DOK5: variants seen among roughly 807,000 people sequenced by gnomAD.
The protein encoded by DOK5 is docking protein 5.
DOK5 carries 27 observed loss-of-function variants against 43.3 expected under a neutral mutation model. The ratio of observed to expected loss-of-function variants is 0.62; its 90% CI spans 0.46 to 0.86. DOK5 has a LOEUF of 0.86. Among genes scored for constraint, DOK5 ranks in the 40% least tolerant of loss-of-function variants. DOK5 has a pLI of 0.00. For synonymous variants in DOK5, 146 were observed against 140.1 expected, an observed-to-expected ratio of 1.04 and a Z score of -0.30; for missense variants, 373 against 392.9, an observed-to-expected ratio of 0.95 and a Z score of 0.43.
intron 5 of DOK5, among the ~76,000 whole-genome samples, chr20:54,605,739 T>C (rs1986450633): frequency 1.3e-5 from 2 of 152,216 alleles, no homozygotes; most frequent in South Asian, 4.1e-4. Context: ...TTATTGAACA[T>C]GAAATGTAAA....
At chr20:54,616,784 C>CTTTTTTTTTTTTTTTTTTT (rs550110589) in intron 6 of DOK5, among the ~76,000 whole-genome samples, 11 of 105,750 alleles carry the variant, frequency 1.0e-4, no homozygotes, top group South Asian at 6.3e-4. Flanking sequence ...TTTTTTTTTT[C>CTTTTTTTTTTTTTTTTTTT]TTTTTTTTTT....
chr20:54,475,690 C>T lies in DOK5; in HGVS notation c.-257C>T. ...AGGCCGGCCGCGGAGTCAGCTGACG[C>T]CGGCGCTCCAGCCTCGCCTCCCCGC... On this transcript the variant is annotated 5_prime_UTR_variant, in exon 1 of 8. Transcript: ENST00000262593. The surrounding 1 kb of genome is among the most constrained non-coding windows in gnomAD (Gnocchi z 4.2). 3.1e-5 allele frequency: 17 copies of T among 546,700 alleles called. 1 individual carries two copies. The South Asian group carries it at 3.6e-4, about 12-fold the overall frequency. The allele number at this position is 546,700 out of a possible 1,614,324, so 33.9% of individuals were successfully genotyped here. A position where few individuals can be genotyped will look rare whatever the true frequency, so the allele number is the denominator to read the frequency against.
chr20:54,621,711 A>C (rs1986982122), intron 6 of DOK5, among the ~76,000 whole-genome samples: 1 of 152,138 alleles, frequency 6.6e-6, no homozygotes, highest in African/African-American at 2.4e-5. Flanking sequence ...ATCACGATTA[A>C]AGATGATAAC....
chr20:54,527,077 G>A (rs561558947), intron 1 of DOK5, among the ~76,000 whole-genome samples: 58 of 152,248 alleles, frequency 3.8e-4, no homozygotes, highest in African/African-American at 1.4e-3. Flanking sequence ...AACAATTCAC[G>A]AAAGTTATTT....
At chr20:54,624,995 A>T (rs1467649999) in intron 6 of DOK5, among the ~76,000 whole-genome samples, 1 of 150,796 alleles carries the variant, frequency 6.6e-6, no homozygotes, top group Non-Finnish European at 1.5e-5. Context: ...TTTCTTTCTT[A>T]CCCACATTTT....
chr20:54,597,153 CA>C (rs1228627654), intron 5 of DOK5, among the ~76,000 whole-genome samples: 1 of 152,092 alleles, frequency 6.6e-6, no homozygotes, highest in Non-Finnish European at 1.5e-5. Flanking sequence ...AATAATTGCT[CA>C]AAACAAATAA....
chr20:54,522,316 G>A (rs1212585887), intron 1 of DOK5, among the ~76,000 whole-genome samples: 1 of 152,162 alleles, frequency 6.6e-6, no homozygotes, highest in African/African-American at 2.4e-5. Flanking sequence ...ACCATGGGTC[G>A]CAGGTTAGAC....
intron 6 of DOK5, among the ~76,000 whole-genome samples, chr20:54,616,324 A>T (rs181628426): frequency 1.3e-5 from 2 of 152,198 alleles, no homozygotes; most frequent in Non-Finnish European, 2.9e-5. Context: ...ATCCTACATG[A>T]GATTAACTCA....
chr20:54,613,103 T>C (rs748027226), intron 6 of DOK5, among the ~76,000 whole-genome samples: 208 of 152,180 alleles, frequency 1.4e-3, no homozygotes, highest in Non-Finnish European at 2.3e-3. Context: ...AGCAGACTGG[T>C]TGGTCCAGAT....
chr20:54,510,781 C>T (rs1024106073), intron 1 of DOK5, among the ~76,000 whole-genome samples: 5 of 152,112 alleles, frequency 3.3e-5, no homozygotes, highest in South Asian at 2.1e-4. Context: ...TCTCCCTGCT[C>T]GGCTATTGGG....
Position 54,525,259 on chromosome 20 carries a change from G to A in DOK5, c.67-29674G>A, listed in dbSNP as rs527907667. 9.9e-5 allele frequency among the ~76,000 whole-genome samples: 15 copies of A among 152,214 alleles called. No homozygotes were observed. In the South Asian group the frequency reaches 1.2e-3, roughly 13 times the overall value. On this transcript the variant is annotated intron_variant, in intron 1 of 7. Coordinates refer to ENST00000262593, the MANE Select transcript of DOK5 (RefSeq NM_018431.5). The stretch of plus-strand genomic sequence containing the variant: ...TAAATTACCCACCTGATTAACTAGC[G>A]GGTACAGAGGAATATTACAATATTA...
rs190489363 is a variant in DOK5 at position 54,496,107 on chromosome 20, G to T, written c.66+20095G>T. 4.0e-3 allele frequency among the ~76,000 whole-genome samples: 607 copies of T among 152,304 alleles called. 2 individuals are homozygous for T. Among genetic ancestry groups the T allele is most frequent in the African/African-American group, 0.014 (577 of 41,566 alleles). On this transcript the variant is annotated intron_variant, in intron 1 of 7. Transcript: ENST00000262593. ...TGAAGCTTAGTTTTCAGACACAGATGAAGTTGAATATTATAAAGATGAAGA... is the reference window on the plus strand; with the variant it reads ...TGAAGCTTAGTTTTCAGACACAGATTAAGTTGAATATTATAAAGATGAAGA...
chr20:54,584,905 T>C (rs1488158379), intron 2 of DOK5, among the ~76,000 whole-genome samples: 1 of 152,118 alleles, frequency 6.6e-6, no homozygotes, highest in East Asian at 1.9e-4. Flanking sequence ...GGCAGATTTC[T>C]TTGTAAGAGG....
chr20:54,484,549 C>G (rs1263321581), intron 1 of DOK5, among the ~76,000 whole-genome samples: 1 of 152,178 alleles, frequency 6.6e-6, no homozygotes, highest in Non-Finnish European at 1.5e-5. Flanking sequence ...GACAATATAA[C>G]AACCAATATA....
At chr20:54,632,848 G>A (rs972244709) in intron 6 of DOK5, among the ~76,000 whole-genome samples, 8 of 149,932 alleles carry the variant, frequency 5.3e-5, no homozygotes, top group Admixed American at 2.6e-4. Flanking sequence ...AGGCCAAGGC[G>A]GGTGGAGCAC....
In DOK5 at chr20:54,475,796, G is replaced by A. The variant is rs1472958121; in HGVS notation, c.-151G>A. 12 of 866,792 alleles carry A rather than the reference G, an allele frequency of 1.4e-5. No homozygotes were observed. In the Admixed American group the frequency reaches 2.0e-4, roughly 15 times the overall value. 53.7% of individuals were successfully genotyped at this position (866,792 alleles called of 1,614,324 possible). Reference sequence around the variant, plus strand: ...TGGGGGGACAGAGAAAGTGATGTGCGCCTTCTAAAGCCTCGCCCAGCGCCG... The same window carrying A: ...TGGGGGGACAGAGAAAGTGATGTGCACCTTCTAAAGCCTCGCCCAGCGCCG... On this transcript the variant is annotated 5_prime_UTR_variant, in exon 1 of 8. Coordinates refer to ENST00000262593, the MANE Select transcript of DOK5 (RefSeq NM_018431.5). The surrounding 1 kb of genome is among the most constrained non-coding windows in gnomAD (Gnocchi z 4.2).
intron 1 of DOK5, among the ~76,000 whole-genome samples, chr20:54,520,600 A>G (rs1417158799): frequency 3.3e-5 from 5 of 151,998 alleles, no homozygotes; most frequent in African/African-American, 2.4e-5. Context: ...GCAACACAGC[A>G]AGATCTCATC....
chr20:54,489,803 A>G (rs1982093982), intron 1 of DOK5, among the ~76,000 whole-genome samples: 1 of 152,094 alleles, frequency 6.6e-6, no homozygotes, highest in Admixed American at 6.5e-5. Flanking sequence ...GCTATAGACC[A>G]CCCCTCATCA....
At chr20:54,529,613 C>G (rs1380343718) in intron 1 of DOK5, among the ~76,000 whole-genome samples, 4 of 151,730 alleles carry the variant, frequency 2.6e-5, no homozygotes. Context: ...GTGTATAATT[C>G]AGTATTTTTA....
Sources: gnomAD v4.1 joint callset for allele counts (sites outside exome capture counted in the v4.1 genomes callset) on GRCh38, gnomAD v4.1.1 for gene constraint, Gnocchi (gnomAD v3.1) non-coding constraint, MANE v1.5 for transcripts, NCBI Gene and HGNC (gene_info 2026-07-23, HGNC 2026-07-21) for gene names.